Variants in USP28 observed in about 807,000 individuals in gnomAD.
The protein encoded by USP28 is ubiquitin specific peptidase 28.
In USP28, 113 loss-of-function variants were observed where a neutral mutation model predicts 145.0. That is an observed-to-expected ratio of 0.78 (90% CI 0.67 to 0.91). USP28 has a LOEUF of 0.91. Ranked by LOEUF, USP28 falls within the 40% of genes least tolerant of loss-of-function variation. The pLI, the probability that USP28 is intolerant of heterozygous loss-of-function variation, is 0.00. For synonymous variants in USP28, 447 were observed against 450.9 expected, an observed-to-expected ratio of 0.99 and a Z score of 0.11; for missense variants, 1,201 against 1,289.6, an observed-to-expected ratio of 0.93 and a Z score of 1.05.
At chr11:113,809,704 C>T (rs1400776159) in intron 16 of USP28, among the ~76,000 whole-genome samples, 1 of 152,204 alleles carries the variant, frequency 6.6e-6, no homozygotes, top group Non-Finnish European at 1.5e-5. Context: ...ACTCATTAAA[C>T]ATCTGCTAAG....
chr11:113,805,027 G>C, exon 20 of USP28: 1 of 1,613,976 alleles, frequency 6.2e-7, no homozygotes, highest in Non-Finnish European at 8.5e-7. Flanking sequence ...ATAGAGCCTG[G>C]AGTATTCTTC....
At chr11:113,808,113 C>G in intron 18 of USP28, 2 of 1,495,646 alleles carry the variant, frequency 1.3e-6, no homozygotes, top group Non-Finnish European at 1.8e-6. Flanking sequence ...GGGGCATGGG[C>G]TTCTTGGGTT....
chr11:113,851,499 T>G (rs1236889047), intron 3 of USP28, among the ~76,000 whole-genome samples: 1 of 152,114 alleles, frequency 6.6e-6, no homozygotes, highest in Non-Finnish European at 1.5e-5. Flanking sequence ...CTGCACATTC[T>G]TAAAAGTCCA....
At chr11:113,842,937 G>C (rs1355824391) in intron 3 of USP28, among the ~76,000 whole-genome samples, 1 of 152,104 alleles carries the variant, frequency 6.6e-6, no homozygotes, top group Non-Finnish European at 1.5e-5. Flanking sequence ...GTTCTAGGCA[G>C]GCAATAAGAA....
At position 113,855,045 on chromosome 11, in the gene USP28, C is replaced by T. The variant is rs115688279; in HGVS notation, c.58-710G>A. On this transcript the variant is annotated intron_variant, in intron 1 of 24. Coordinates refer to ENST00000003302, the Ensembl canonical transcript of USP28. ...ATTAGTGTGTATCATTTTTCACTGA[C>T]AATAAGTTTCCAATCATGTAATTAA... Among the ~76,000 whole-genome samples the T allele has an allele frequency of 3.3e-5, 5 of 152,114 alleles. No individual in the cohort carries two copies. In the South Asian group the frequency reaches 1.0e-3, roughly 32 times the overall value.
Position 113,803,088 on chromosome 11 carries a change from A to G in USP28, c.2862+70T>C, listed in dbSNP as rs947475475. 12 of 1,470,140 alleles carry G rather than the reference A, an allele frequency of 8.2e-6. No individual in the cohort carries two copies. The Admixed American group carries it at 1.1e-4, about 14-fold the overall frequency. 91.1% of individuals were successfully genotyped at this position (1,470,140 alleles called of 1,614,324 possible). A position where few individuals can be genotyped will look rare whatever the true frequency, so the allele number is the denominator to read the frequency against. On this transcript the variant is annotated intron_variant, in intron 23 of 24. Coordinates refer to ENST00000003302, the Ensembl canonical transcript of USP28. ...GGAGATAGTCTGTTTTGAAAGCCAT[A>G]TATTTTCCTGGCTTCAAGGAGCAGA...
At chr11:113,841,744 T>C in exon 4 of USP28, 1 of 1,613,360 alleles carries the variant, frequency 6.2e-7, no homozygotes, top group Non-Finnish European at 8.5e-7. Context: ...ATCATCTTTG[T>C]TATCATGAGT....
intron 1 of USP28, among the ~76,000 whole-genome samples, chr11:113,867,787 A>AAAGGAAAG (rs140382982): frequency 0.2 from 27,743 of 137,026 alleles, 3,014 homozygotes; most frequent in African/African-American, 0.22. Flanking sequence ...TCCCCACACA[A>AAAGGAAAG]AAGGAAAGAA....
Position 113,812,409 on chromosome 11 carries a change from C to T in USP28, c.1839G>A (p.Trp613Ter). The change falls in exon 16 of 25, where the codon TGG (tryptophan) becomes TGA (stop). Residue 613 changes from tryptophan (W) to a stop codon, truncating the protein, a stop_gained. Coordinates refer to ENST00000003302, the Ensembl canonical transcript of USP28. LOFTEE classifies it high-confidence loss of function. ...TAACAGAGATGTCATTGTACTTGAG[C>T]CAGCTCTGTCGGGGTTGATTATAGA... 6.2e-7 allele frequency: 1 copy of T among 1,614,086 alleles called. No individual in the cohort carries two copies. The highest frequency in any genetic ancestry group is 8.5e-7 in the Non-Finnish European group (1 of 1,180,004).
In USP28 at chr11:113,812,341, C is replaced by CCT; in HGVS notation, c.1905_1906dup (p.Gly636GlufsTer3). 6.2e-7 allele frequency: 1 copy of CCT among 1,614,046 alleles called. No individual in the cohort carries two copies. Among genetic ancestry groups the CCT allele is most frequent in the Non-Finnish European group, 8.5e-7 (1 of 1,180,014 alleles). On this transcript the variant is annotated frameshift_variant, in exon 16 of 25. Coordinates refer to ENST00000003302, the Ensembl canonical transcript of USP28. LOFTEE classifies it high-confidence loss of function. ...ACAGTAAGCACTAACATTTCTCAGG[C>CCT]CTCCATAGGAATCTCTTTCAACTTC...
intron 1 of USP28, among the ~76,000 whole-genome samples, chr11:113,872,656 C>T (rs941714253): frequency 6.6e-6 from 1 of 152,128 alleles, no homozygotes; most frequent in Non-Finnish European, 1.5e-5. Flanking sequence ...CTGAAACTGG[C>T]AGGTTTTTAT....
intron 12 of USP28, among the ~76,000 whole-genome samples, chr11:113,818,696 C>T (rs982978467): frequency 6.6e-6 from 1 of 151,654 alleles, no homozygotes; most frequent in African/African-American, 2.4e-5. Flanking sequence ...CCTGTCTCCA[C>T]AAAAAATGAA....
intron 1 of USP28, among the ~76,000 whole-genome samples, chr11:113,872,949 C>T (rs1216757688): frequency 1.3e-5 from 2 of 152,176 alleles, no homozygotes; most frequent in African/African-American, 2.4e-5. Flanking sequence ...AAGAGTACTA[C>T]ATATTTCTCG....
intron 12 of USP28, 89 bp from the exon 13 acceptor site, chr11:113,817,926 T>A: frequency 7.2e-7 from 1 of 1,389,248 alleles, no homozygotes. Context: ...TCACAGCAAG[T>A]CAATGGAAAG....
At chr11:113,874,653 G>T in intron 1 of USP28, 7 of 1,272,258 alleles carry the variant, frequency 5.5e-6, no homozygotes, top group Non-Finnish European at 7.1e-6. Flanking sequence ...GTGGTGTTAA[G>T]TTATAACATT....
At chr11:113,869,782 C>T (rs895646926) in intron 1 of USP28, among the ~76,000 whole-genome samples, 4 of 152,052 alleles carry the variant, frequency 2.6e-5, no homozygotes, top group Admixed American at 6.6e-5. Context: ...ATGAAGCAAA[C>T]GTTTATAGCC....
At chr11:113,818,999 T>C (rs1019215363) in intron 12 of USP28, among the ~76,000 whole-genome samples, 2 of 152,018 alleles carry the variant, frequency 1.3e-5, no homozygotes, top group East Asian at 3.9e-4. Flanking sequence ...ATCAGTTTAG[T>C]AGAATCAGAG....
intron 3 of USP28, among the ~76,000 whole-genome samples, chr11:113,843,201 C>T (rs779622531): frequency 2.6e-5 from 4 of 152,012 alleles, no homozygotes; most frequent in African/African-American, 4.8e-5. Context: ...CACTATACTA[C>T]AGCCTGGGCG....
In USP28 at chr11:113,834,150, CAA is replaced by C. The variant is rs1165823564; in HGVS notation, c.621+97_621+98del. The C allele has an allele frequency of 1.2e-5, 10 of 822,050 alleles. No homozygotes were observed. The African/African-American group carries it at 1.4e-4, about 12-fold the overall frequency. The allele number at this position is 822,050 out of a possible 1,614,324, so 50.9% of individuals were successfully genotyped here. ...ATGAAAACAAATAATTAGCACAAGC[CAA>C]AGAGTATCACGGATATCAGCTTTAG... is the stretch of plus-strand genomic sequence containing the variant. On this transcript the variant is annotated intron_variant, in intron 6 of 24. Coordinates refer to ENST00000003302, the Ensembl canonical transcript of USP28.
Sources: gnomAD v4.1 joint callset for allele counts (sites outside exome capture counted in the v4.1 genomes callset) on GRCh38, gnomAD v4.1.1 for gene constraint, MANE v1.5 for transcripts, NCBI Gene and HGNC (gene_info 2026-07-23, HGNC 2026-07-21) for gene names.